MTAP: variants seen among roughly 807,000 people sequenced by gnomAD.
MTAP encodes methylthioadenosine phosphorylase.
MTAP carries 33 observed loss-of-function variants against 33.6 expected under a neutral mutation model. The observed-to-expected ratio is 0.98, with a 90% confidence interval of 0.74 to 1.31. MTAP has a LOEUF of 1.31. Among genes scored for constraint, MTAP ranks in the 40% most tolerant of loss-of-function variants. The pLI, the probability that MTAP is intolerant of heterozygous loss-of-function variation, is 0.00. For missense variants in MTAP, 367 were observed against 360.0 expected (o/e 1.02, Z -0.16); for synonymous variants, 148 against 125.7 (o/e 1.18, Z -1.19).
At chr9:21,915,055 C>CTTTCTTTCTTTCTTT (rs1491435938) in intron 1 of MTAP, among the ~76,000 whole-genome samples, 7 of 25,878 alleles carry the variant, frequency 2.7e-4, no homozygotes, top group East Asian at 2.2e-3. Flanking sequence ...TTCCTTCCTT[C>CTTTCTTTCTTTCTTT]CTTTCTTTCT....
At chr9:21,848,402 A>G (rs1237649789) in intron 5 of MTAP, among the ~76,000 whole-genome samples, 2 of 129,226 alleles carry the variant, frequency 1.5e-5, no homozygotes, top group South Asian at 2.5e-4. Flanking sequence ...AGGAAAATGG[A>G]GTTGGATCAG....
chr9:21,885,991 T>C (rs1174979657), intron 1 of MTAP, among the ~76,000 whole-genome samples: 1 of 152,160 alleles, frequency 6.6e-6, no homozygotes, highest in Non-Finnish European at 1.5e-5. Flanking sequence ...ATGGGATTGC[T>C]GGATCAAATG....
At chr9:21,847,134 C>T (rs947647930) in intron 5 of MTAP, among the ~76,000 whole-genome samples, 28 of 152,196 alleles carry the variant, frequency 1.8e-4, no homozygotes, top group African/African-American at 6.5e-4. Flanking sequence ...TTCTCCCGTG[C>T]TGGATACTTC....
chr9:21,840,414 A>C (rs1160347352), intron 5 of MTAP, among the ~76,000 whole-genome samples: 2 of 152,200 alleles, frequency 1.3e-5, no homozygotes, highest in Non-Finnish European at 2.9e-5. Context: ...ACAGGCAAGA[A>C]ACTGAGTTCC....
chr9:21,867,017 A>T lies in MTAP; in HGVS notation c.*5003A>T. 1 of 152,272 alleles carries T rather than the reference A, an allele frequency of 6.6e-6. No individual in the cohort carries two copies. Among genetic ancestry groups the T allele is most frequent in the East Asian group, 1.9e-4 (1 of 5,194 alleles). The allele number at this position is 152,272 out of a possible 1,614,324, so 9.4% of individuals were successfully genotyped here. A position where few individuals can be genotyped will look rare whatever the true frequency, so the allele number is the denominator to read the frequency against. On this transcript the variant is annotated 3_prime_UTR_variant, in exon 8 of 8. Transcript: ENST00000644715. Reference sequence around the variant, plus strand: ...TTAAGTTTATTGCTGGTATACAGAAATATGTTTTATTTTTGTATATTGACT... The same window carrying T: ...TTAAGTTTATTGCTGGTATACAGAATTATGTTTTATTTTTGTATATTGACT...
chr9:21,852,791 G>T (rs149824391), intron 5 of MTAP, among the ~76,000 whole-genome samples: 1 of 151,458 alleles, frequency 6.6e-6, no homozygotes, highest in African/African-American at 2.4e-5. Context: ...TTTGTACCAT[G>T]TACAAATACG....
intron 1 of MTAP, chr9:21,929,672 G>T (rs369660644): frequency 2.0e-5 from 5 of 248,408 alleles, no homozygotes; most frequent in Non-Finnish European, 4.2e-5. Flanking sequence ...ATAGAGTTAC[G>T]TATTTCCTCT....
chr9:21,884,133 G>A (rs1164860449), intron 1 of MTAP, among the ~76,000 whole-genome samples: 1 of 152,132 alleles, frequency 6.6e-6, no homozygotes. Context: ...AGAAGTACTT[G>A]AGAGAATTCT....
chr9:21,803,831 A>AGAAGGC (rs763042935), intron 1 of MTAP, among the ~76,000 whole-genome samples: 53 of 152,296 alleles, frequency 3.5e-4, no homozygotes, highest in Admixed American at 1.1e-3. Context: ...TTTTCCCGGG[A>AGAAGGC]GAAGGCGAAT....
intron 4 of MTAP, among the ~76,000 whole-genome samples, chr9:21,819,206 A>G (rs144099005): frequency 6.7e-6 from 1 of 149,780 alleles, no homozygotes; most frequent in African/African-American, 2.5e-5. Flanking sequence ...TTTGTTACAT[A>G]TGTGTACATG....
intron 4 of MTAP, among the ~76,000 whole-genome samples, chr9:21,824,562 G>A (rs1480760977): frequency 6.6e-6 from 1 of 152,234 alleles, no homozygotes; most frequent in African/African-American, 2.4e-5. Flanking sequence ...ACCCACCTGA[G>A]GAGGCAGTCT....
chr9:21,924,406 A>G (rs1193927045), intron 1 of MTAP, among the ~76,000 whole-genome samples: 1 of 152,240 alleles, frequency 6.6e-6, no homozygotes, highest in Admixed American at 6.5e-5. Context: ...CTCCAGGAGC[A>G]GGAATCTTGA....
intron 1 of MTAP, among the ~76,000 whole-genome samples, chr9:21,899,852 G>C (rs1170184140): frequency 6.6e-6 from 1 of 152,070 alleles, no homozygotes; most frequent in Non-Finnish European, 1.5e-5. Context: ...ATGGAACAGA[G>C]TAGAGAACCC....
chr9:21,872,943 G>A (rs1825957853), intron 1 of MTAP, among the ~76,000 whole-genome samples: 1 of 152,148 alleles, frequency 6.6e-6, no homozygotes, highest in African/African-American at 2.4e-5. Flanking sequence ...GGATCATGGT[G>A]TCCTGGCATG....
At chr9:21,896,947 A>G (rs780201370) in intron 1 of MTAP, among the ~76,000 whole-genome samples, 1 of 152,178 alleles carries the variant, frequency 6.6e-6, no homozygotes, top group African/African-American at 2.4e-5. Context: ...TTTTAAACCA[A>G]TATCCCTGAT....
chr9:21,865,870 A>T lies in MTAP; in HGVS notation c.*3856A>T. The T allele has an allele frequency of 1.3e-6, 1 of 797,942 alleles. No homozygotes were observed. The highest frequency in any genetic ancestry group is 1.5e-6 in the Non-Finnish European group (1 of 658,494). 49.4% of individuals were successfully genotyped at this position (797,942 alleles called of 1,614,324 possible). A position where few individuals can be genotyped will look rare whatever the true frequency, so the allele number is the denominator to read the frequency against. ...TTTTATTGCCTAGTAGTATTCTGTC[A>T]TATGCCTATCTTACAATTTGATTAT... On this transcript the variant is annotated 3_prime_UTR_variant, in exon 8 of 8. Transcript: ENST00000644715.
intron 1 of MTAP, among the ~76,000 whole-genome samples, chr9:21,896,779 T>C (rs1461617802): frequency 6.6e-6 from 1 of 152,160 alleles, no homozygotes; most frequent in Non-Finnish European, 1.5e-5. Context: ...ACAGATGGAT[T>C]CACAGCCGAA....
chr9:21,891,119 A>G (rs989147455), intron 1 of MTAP, among the ~76,000 whole-genome samples: 7 of 152,240 alleles, frequency 4.6e-5, no homozygotes, highest in Non-Finnish European at 5.9e-5. Context: ...ACCAACAAAT[A>G]TAAAAGCAAA....
Position 21,915,010 on chromosome 9 carries a change from TCCTTC to T in MTAP, c.148-15996_148-15992del, listed in dbSNP as rs1563869324. ...CAATACTTTGTTTTCTTTCCTTCCT[TCCTTC>T]CTTCCTTCCTTCCTTCCTTCCTTCC... On this transcript the variant is annotated intron_variant, in intron 1 of 1. Transcript: ENST00000577563. Among the ~76,000 whole-genome samples, 124 of 74,470 alleles carry T rather than the reference TCCTTC, an allele frequency of 1.7e-3. 12 individuals are homozygous for T. Among genetic ancestry groups the T allele is most frequent in the African/African-American group, 8.7e-3 (106 of 12,242 alleles). The allele number at this position is 74,470 out of a possible 152,430, so 48.9% of individuals were successfully genotyped here.
Sources: gnomAD v4.1 joint callset for allele counts (sites outside exome capture counted in the v4.1 genomes callset) on GRCh38, gnomAD v4.1.1 for gene constraint, MANE v1.5 for transcripts, NCBI Gene and HGNC (gene_info 2026-07-23, HGNC 2026-07-21) for gene names.